Variants in CAMTA1 observed in about 807,000 individuals in gnomAD.
The protein encoded by CAMTA1 is calmodulin-binding transcription activator 1.
CAMTA1 carries 27 observed loss-of-function variants against 170.9 expected under a neutral mutation model. That is an observed-to-expected ratio of 0.16 (90% CI 0.12 to 0.22). The LOEUF (loss-of-function observed/expected upper bound fraction) is 0.22, where lower values mean the gene tolerates loss of function less well. CAMTA1 is among the 10% of genes least tolerant of loss of function. The pLI is 1.00. For missense variants in CAMTA1, 1,619 were observed against 2,217.2 expected (o/e 0.73, Z 5.42); for synonymous variants, 833 against 891.5 (o/e 0.93, Z 1.17).
chr1:7,407,498 T>C (rs1464650909), intron 5 of CAMTA1, among the ~76,000 whole-genome samples: 1 of 152,170 alleles, frequency 6.6e-6, no homozygotes, highest in Admixed American at 6.5e-5. Context: ...TGGGAGGAGC[T>C]GAGCTGCCCT....
chr1:6,929,400 G>C (rs915493273), intron 3 of CAMTA1, among the ~76,000 whole-genome samples: 3 of 150,324 alleles, frequency 2.0e-5, no homozygotes, highest in African/African-American at 7.4e-5. Flanking sequence ...GTGTTGCTGT[G>C]TCGCCCAGCT....
At chr1:7,705,793 C>T (rs2096516912) in intron 11 of CAMTA1, among the ~76,000 whole-genome samples, 1 of 152,164 alleles carries the variant, frequency 6.6e-6, no homozygotes, top group South Asian at 2.1e-4. Flanking sequence ...TCGATTCACC[C>T]GCGTGCACAG....
chr1:7,585,158 A>G lies in CAMTA1; in HGVS notation c.511-55242A>G, dbSNP rs2150426323. On this transcript the variant is annotated intron_variant, in intron 6 of 22. Coordinates refer to ENST00000303635, the MANE Select transcript of CAMTA1 (RefSeq NM_015215.4). The surrounding 1 kb of genome is among the most constrained non-coding windows in gnomAD (Gnocchi z 4.8). ...GTCACGTTTTGCCACCAAATGAGTT[A>G]TGAACAAGCTGTGGCTTTTAGAGCT... Among the ~76,000 whole-genome samples the G allele has an allele frequency of 6.6e-6, 1 of 152,362 alleles. No individual in the cohort carries two copies. The highest frequency in any genetic ancestry group is 2.1e-4 in the South Asian group (1 of 4,832).
intron 6 of CAMTA1, among the ~76,000 whole-genome samples, chr1:7,618,538 G>T (rs1388917171): frequency 6.6e-6 from 1 of 152,166 alleles, no homozygotes; most frequent in Non-Finnish European, 1.5e-5. Flanking sequence ...CGTTTTCAAG[G>T]CTTTGGCTGG....
Position 7,635,114 on chromosome 1 carries a change from G to T in CAMTA1, c.511-5286G>T, listed in dbSNP as rs932072999. 3.9e-5 allele frequency among the ~76,000 whole-genome samples: 6 copies of T among 152,180 alleles called. No homozygotes were observed. Among genetic ancestry groups the T allele is most frequent in the African/African-American group, 1.2e-4 (5 of 41,444 alleles). On this transcript the variant is annotated intron_variant, in intron 6 of 22. Transcript: ENST00000303635. This position sits in a 1 kb window ranked among gnomAD's most constrained non-coding sequence, Gnocchi z 4.4. ...TGACCAGGCCTCCAGGAAAGCAAGG[G>T]CTCATCTCCAAAGGTCACGATCACT... is the stretch of plus-strand genomic sequence containing the variant.
chr1:7,341,409 A>G (rs562435907), intron 5 of CAMTA1, among the ~76,000 whole-genome samples: 118 of 152,360 alleles, frequency 7.7e-4, no homozygotes, highest in Middle Eastern at 3.4e-3. Context: ...GAGGTGGGGC[A>G]CAGCTGTCAT....
intron 3 of CAMTA1, among the ~76,000 whole-genome samples, chr1:6,899,569 C>G (rs1337653560): frequency 6.6e-6 from 1 of 150,438 alleles, no homozygotes; most frequent in Non-Finnish European, 1.5e-5. Context: ...CACACACACA[C>G]ACACACACAC....
At position 7,663,363 on chromosome 1, in the gene CAMTA1, C is replaced by T. The variant is rs1367293480; in HGVS notation, c.816C>T (p.Gly272=). The change falls in exon 9 of 23, where the codon GGC becomes GGT. Residue 272 remains glycine, a synonymous_variant. Transcript: ENST00000303635. ...TTCCGATCTCCGCAGGAGCTGGCGGCAGCGTGCATCACAAGTGTAACAGCG... is the reference window on the plus strand; with the variant it reads ...TTCCGATCTCCGCAGGAGCTGGCGGTAGCGTGCATCACAAGTGTAACAGCG... ...CLCTGSLGAG[G]SVHHKCNSAK... is the part of the protein sequence containing the mutation. 1 of 1,525,660 alleles carries T rather than the reference C, an allele frequency of 6.6e-7. No individual in the cohort carries two copies. The highest frequency in any genetic ancestry group is 1.3e-5 in the South Asian group (1 of 77,172). 94.5% of individuals were successfully genotyped at this position (1,525,660 alleles called of 1,614,324 possible).
chr1:7,448,239 GGGGGGCTCTCCCCTCCAGAATTCT>G (rs1373008083), intron 5 of CAMTA1, among the ~76,000 whole-genome samples: 1 of 152,212 alleles, frequency 6.6e-6, no homozygotes, highest in East Asian at 1.9e-4. Context: ...ACATGGAGTG[GGGGGGCTCTCCCCTCCAGAATTCT>G]GATGCATGAC....
intron 3 of CAMTA1, among the ~76,000 whole-genome samples, chr1:6,961,766 G>A (rs907036530): frequency 2.0e-5 from 3 of 152,226 alleles, no homozygotes; most frequent in African/African-American, 7.2e-5. Flanking sequence ...AGCCCAGCTT[G>A]AATGTTTGAA....
At chr1:7,147,555 CACAA>C (rs1646282887) in intron 4 of CAMTA1, among the ~76,000 whole-genome samples, 2 of 150,574 alleles carry the variant, frequency 1.3e-5, no homozygotes, top group African/African-American at 2.5e-5. Flanking sequence ...CACACGCAAA[CACAA>C]ACATACATCA....
intron 4 of CAMTA1, among the ~76,000 whole-genome samples, chr1:7,225,268 T>G (rs866490876): frequency 4.7e-4 from 71 of 152,242 alleles, no homozygotes; most frequent in Admixed American, 1.7e-3. Flanking sequence ...TATTTTTTAG[T>G]AGAGACGGAA....
intron 4 of CAMTA1, among the ~76,000 whole-genome samples, chr1:7,161,264 C>T (rs1038695120): frequency 3.9e-5 from 6 of 152,184 alleles, no homozygotes; most frequent in African/African-American, 1.4e-4. Flanking sequence ...GGTCTCTGTT[C>T]TCTCTTCCTG....
intron 1 of CAMTA1, among the ~76,000 whole-genome samples, chr1:6,794,086 G>T (rs1482618632): frequency 3.9e-5 from 6 of 152,192 alleles, no homozygotes; most frequent in Non-Finnish European, 8.8e-5. Flanking sequence ...GATATTTGAA[G>T]AAGAAATGGA....
At chr1:6,848,191 C>T (rs1019534436) in intron 3 of CAMTA1, among the ~76,000 whole-genome samples, 9 of 152,128 alleles carry the variant, frequency 5.9e-5, no homozygotes, top group African/African-American at 2.2e-4. Context: ...TTGAAGGTCT[C>T]ACTCTGTCTC....
At chr1:7,714,895 C>A (rs752648058) in intron 11 of CAMTA1, among the ~76,000 whole-genome samples, 1 of 152,178 alleles carries the variant, frequency 6.6e-6, no homozygotes, top group Non-Finnish European at 1.5e-5. Flanking sequence ...GTCATACTAT[C>A]CAAAGCAACT....
intron 6 of CAMTA1, among the ~76,000 whole-genome samples, chr1:7,607,263 G>C (rs772800989): frequency 6.6e-6 from 1 of 151,820 alleles, no homozygotes; most frequent in African/African-American, 2.4e-5. Flanking sequence ...TGGGTGGGTA[G>C]CTGGATGGAT....
In CAMTA1 at chr1:7,119,743, G is replaced by T. The variant is rs544532323; in HGVS notation, c.302+28372G>T. Among the ~76,000 whole-genome samples the T allele has an allele frequency of 1.4e-3, 217 of 152,256 alleles. 1 individual carries two copies. The highest frequency in any genetic ancestry group is 2.4e-3 in the Non-Finnish European group (160 of 68,014). On this transcript the variant is annotated intron_variant, in intron 4 of 22. Transcript: ENST00000303635. ...ATATAACAATACAACAGTAACAAAG[G>T]ATTCAGCTGCTGTTAATGGGAGACT...
intron 4 of CAMTA1, among the ~76,000 whole-genome samples, chr1:7,183,089 C>G (rs1273807805): frequency 1.3e-5 from 2 of 152,196 alleles, no homozygotes; most frequent in African/African-American, 4.8e-5. Context: ...GCTCACAGTT[C>G]TGCAGGCTGT....
Sources: gnomAD v4.1 joint callset for allele counts (sites outside exome capture counted in the v4.1 genomes callset) on GRCh38, gnomAD v4.1.1 for gene constraint, Gnocchi (gnomAD v3.1) non-coding constraint, MANE v1.5 for transcripts, NCBI Gene and HGNC (gene_info 2026-07-23, HGNC 2026-07-21) for gene names.